MYO16: variants seen among roughly 807,000 people sequenced by gnomAD.
The protein encoded by MYO16 is unconventional myosin-XVI.
In MYO16, 94 loss-of-function variants were observed where a neutral mutation model predicts 205.3. That is an observed-to-expected ratio of 0.46 (90% confidence interval 0.39 to 0.54). MYO16 has a LOEUF of 0.54. Ranked by LOEUF, MYO16 falls within the 20% of genes least tolerant of loss-of-function variation. MYO16 has a pLI of 0.00. For synonymous variants in MYO16, 988 were observed against 954.0 expected (o/e 1.04, Z -0.66); for missense variants, 2,315 against 2,387.5 (o/e 0.97, Z 0.63).
intron 11 of MYO16, among the ~76,000 whole-genome samples, chr13:108,864,679 C>A (rs988626389): frequency 2.6e-5 from 4 of 151,864 alleles, no homozygotes; most frequent in African/African-American, 9.7e-5. Flanking sequence ...CAGGCATGCA[C>A]CACCATGCCC....
In MYO16 at chr13:109,003,003, A is replaced by C. The variant is rs144619758; in HGVS notation, c.2443-5894A>C. Among the ~76,000 whole-genome samples the C allele has an allele frequency of 4.3e-4, 66 of 152,336 alleles. 1 individual carries two copies. The highest frequency in any genetic ancestry group is 1.4e-3 in the African/African-American group (58 of 41,584). On this transcript the variant is annotated intron_variant, in intron 21 of 34. Transcript: ENST00000457511. ...TTGAATTTCATGCCACAGTACGTCT[A>C]TATTTTAACTTTGGTTCAAACAATG... is the stretch of plus-strand genomic sequence containing the variant.
intron 21 of MYO16, among the ~76,000 whole-genome samples, chr13:108,999,278 A>G (rs549824142): frequency 1.1e-4 from 16 of 152,360 alleles, no homozygotes; most frequent in South Asian, 6.2e-4. Flanking sequence ...TCAAAATCAT[A>G]CATGTGTTAA....
chr13:108,965,274 A>G (rs1179473930), intron 20 of MYO16, among the ~76,000 whole-genome samples: 1 of 152,180 alleles, frequency 6.6e-6, no homozygotes, highest in South Asian at 2.1e-4. Context: ...GGAGTAACTC[A>G]TGCCTCCTTC....
At chr13:108,655,417 A>G (rs980041874) in intron 1 of MYO16, among the ~76,000 whole-genome samples, 3 of 152,168 alleles carry the variant, frequency 2.0e-5, no homozygotes, top group Admixed American at 1.3e-4. Context: ...ACCTCCACCT[A>G]TATTTGAGAA....
intron 4 of MYO16, among the ~76,000 whole-genome samples, chr13:108,735,990 GTTTGT>G (rs1021091337): frequency 1.8e-4 from 10 of 56,488 alleles, no homozygotes; most frequent in Non-Finnish European, 1.2e-4. Flanking sequence ...TGATGGGGTT[GTTTGT>G]TTTTTTTCTT....
the MYO16 span, among the ~76,000 whole-genome samples, chr13:108,516,699 C>G: frequency 6.6e-5 from 10 of 152,072 alleles, no homozygotes; most frequent in African/African-American, 2.4e-4. Flanking sequence ...TTTTGCTTTT[C>G]TCTGTTGTTT....
At chr13:108,497,784 C>T in the MYO16 span, among the ~76,000 whole-genome samples, 2 of 152,268 alleles carry the variant, frequency 1.3e-5, no homozygotes, top group East Asian at 3.9e-4. Context: ...GATACAAGCC[C>T]CACCTGCTGC....
intron 4 of MYO16, among the ~76,000 whole-genome samples, chr13:108,745,561 A>G (rs1404310767): frequency 1.3e-5 from 2 of 152,212 alleles, no homozygotes; most frequent in Non-Finnish European, 1.5e-5. Flanking sequence ...CAGCCCAGCT[A>G]CTAGCCAGAT....
chr13:108,616,489 T>C (rs1224387849), intron 1 of MYO16, among the ~76,000 whole-genome samples: 1 of 152,112 alleles, frequency 6.6e-6, no homozygotes, highest in Non-Finnish European at 1.5e-5. Flanking sequence ...CGTTTAGTGA[T>C]GGGTCATATG....
chr13:108,728,810 C>G (rs1233238577), intron 4 of MYO16, among the ~76,000 whole-genome samples: 1 of 152,160 alleles, frequency 6.6e-6, no homozygotes, highest in Non-Finnish European at 1.5e-5. Context: ...GGGAGCATAG[C>G]TTTTTTCTGG....
At chr13:109,028,554 C>A (rs1886439515) in intron 23 of MYO16, 1 of 155,500 alleles carries the variant, frequency 6.4e-6, no homozygotes, top group South Asian at 1.8e-4. Context: ...TTAAAAGATC[C>A]TTTCCATATG....
chr13:108,637,969 GAGTA>G lies in MYO16; in HGVS notation c.28+8107_28+8110del, dbSNP rs959468021. 6.6e-5 allele frequency among the ~76,000 whole-genome samples: 10 copies of G among 152,248 alleles called. No homozygotes were observed. The East Asian group carries it at 9.6e-4, about 15-fold the overall frequency. On this transcript the variant is annotated intron_variant, in intron 1 of 34. Transcript: ENST00000457511. ...AATCACCATACCAGTGTGTGAGACA[GAGTA>G]AGTAAGTAAAGAGATGTTATAAGAA...
chr13:108,800,095 T>G (rs1886924522), intron 6 of MYO16, among the ~76,000 whole-genome samples: 1 of 152,310 alleles, frequency 6.6e-6, no homozygotes, highest in East Asian at 1.9e-4. Flanking sequence ...TTATGCTCAC[T>G]CAGCTTTTGG....
At chr13:108,646,924 T>C (rs1378681092) in intron 1 of MYO16, among the ~76,000 whole-genome samples, 1 of 152,124 alleles carries the variant, frequency 6.6e-6, no homozygotes, top group Non-Finnish European at 1.5e-5. Context: ...ACTATTCCAG[T>C]TGCTTGATGG....
chr13:109,049,347 T>C (rs1887160106), intron 24 of MYO16, among the ~76,000 whole-genome samples: 3 of 152,158 alleles, frequency 2.0e-5, no homozygotes. Flanking sequence ...CTCTTTAAAG[T>C]CCTGGAGGAA....
At chr13:109,004,214 A>G (rs2139467893) in intron 21 of MYO16, among the ~76,000 whole-genome samples, 1 of 152,268 alleles carries the variant, frequency 6.6e-6, no homozygotes, top group Admixed American at 6.5e-5. Flanking sequence ...TTAATTTTTA[A>G]ATGATTCAAT....
At chr13:109,082,954 A>G (rs1025778372) in intron 27 of MYO16, among the ~76,000 whole-genome samples, 1 of 152,214 alleles carries the variant, frequency 6.6e-6, no homozygotes, top group African/African-American at 2.4e-5. Flanking sequence ...CTATAAGACA[A>G]TTCTGGCAGA....
intron 24 of MYO16, chr13:109,048,439 A>C: frequency 1.6e-6 from 1 of 627,864 alleles, no homozygotes; most frequent in Non-Finnish European, 2.9e-6. Context: ...CTAGAGAATA[A>C]ATATTTTAGA....
intron 33 of MYO16, among the ~76,000 whole-genome samples, chr13:109,176,671 G>A (rs957049000): frequency 2.8e-5 from 4 of 144,006 alleles, no homozygotes; most frequent in Non-Finnish European, 4.5e-5. Context: ...ATGTTACTGC[G>A]TTGGCCGTGA....
Sources: gnomAD v4.1 joint callset for allele counts (sites outside exome capture counted in the v4.1 genomes callset) on GRCh38, gnomAD v4.1.1 for gene constraint, MANE v1.5 for transcripts, NCBI Gene and HGNC (gene_info 2026-07-23, HGNC 2026-07-21) for gene names.